Variants in GNL1 observed in about 807,000 individuals in gnomAD.
GNL1 encodes the protein G protein nucleolar 1.
A neutral mutation model predicts 75.2 loss-of-function variants in GNL1; 21 were observed. The observed-to-expected ratio is 0.28, with a 90% CI of 0.20 to 0.40. The LOEUF is 0.40. GNL1 is among the 10% of genes least tolerant of loss of function. The pLI, the probability that GNL1 is intolerant of heterozygous loss-of-function variation, is 1.00. For synonymous variants in GNL1, 287 were observed against 303.4 expected, an observed-to-expected ratio of 0.95 and a Z score of 0.56; for missense variants, 579 against 775.0, an observed-to-expected ratio of 0.75 and a Z score of 3.00.
rs747842166 is a variant in GNL1, at chr6:30,554,662, C to T, written c.529-16G>A. The T allele has an allele frequency of 6.2e-7, 1 of 1,603,684 alleles. No individual in the cohort carries two copies. ...GCCTCCATGTCTAAAAAGACAGGAT[C>T]AGGAAGAGAAACTGAAAACAGAGTC... On this transcript the variant is annotated splice_polypyrimidine_tract_variant and intron_variant, in intron 4 of 11. Coordinates refer to ENST00000376621, the MANE Select transcript of GNL1 (RefSeq NM_005275.5).
intron 8 of GNL1, among the ~76,000 whole-genome samples, chr6:30,549,970 C>A (rs1029822533): frequency 6.6e-6 from 1 of 151,942 alleles, no homozygotes; most frequent in African/African-American, 2.4e-5. Flanking sequence ...ACTACAGGCA[C>A]GCACCACCAC....
rs756594602 is a variant in GNL1 at position 30,547,063 on chromosome 6, G to C, written c.1441+49C>G. 1 of 1,526,392 alleles carries C rather than the reference G, an allele frequency of 6.6e-7. No homozygotes were observed. The allele number at this position is 1,526,392 out of a possible 1,614,324, so 94.6% of individuals were successfully genotyped here. A position where few individuals can be genotyped will look rare whatever the true frequency, so the allele number is the denominator to read the frequency against. On this transcript the variant is annotated intron_variant, in intron 10 of 11. Transcript: ENST00000376621. This position sits in a 1 kb window ranked among gnomAD's most constrained non-coding sequence, Gnocchi z 5.5. ...AAGGGTAAAAGGCGAGGCAGGTAAG[G>C]AAGAGCAGCTGAAACCAGGTGGGGC...
rs966643658 is a variant in GNL1, at chr6:30,546,285, C to T, written c.1611G>A (p.Thr537=). The T allele has an allele frequency of 3.8e-6, 6 of 1,595,196 alleles. No homozygotes were observed. Among genetic ancestry groups the T allele is most frequent in the Middle Eastern group, 1.7e-4 (1 of 6,006 alleles). ...CCCTGCCCTGCAAAACCACCAGCTC[C>T]GTGGTCTCTGGATGGGACTCCCAGG... The part of the protein sequence containing the change: ...KGTWESHPET[T]ELVVLQGRVG... The change falls in exon 12 of 12, where the codon ACG becomes ACA. Residue 537 remains threonine, a synonymous_variant. Coordinates refer to ENST00000376621, the MANE Select transcript of GNL1 (RefSeq NM_005275.5). The surrounding 1 kb of genome is among the most constrained non-coding windows in gnomAD (Gnocchi z 5.1).
chr6:30,549,136 C>T (rs1799619162), intron 8 of GNL1, among the ~76,000 whole-genome samples: 1 of 151,960 alleles, frequency 6.6e-6, no homozygotes, highest in Non-Finnish European at 1.5e-5. Flanking sequence ...TAGCTGAGAC[C>T]ACAGGCGTGC....
chr6:30,555,362 CCTT>C lies in GNL1; in HGVS notation c.240-174_240-172del, dbSNP rs1285960436. On this transcript the variant is annotated intron_variant, in intron 2 of 11. Coordinates refer to ENST00000376621, the MANE Select transcript of GNL1 (RefSeq NM_005275.5). The surrounding 1 kb of genome is among the most constrained non-coding windows in gnomAD (Gnocchi z 4.3). Reference sequence around the variant, plus strand: ...TCTTTCAGGCAATACTCAGCCTTCTCCTTCTAAAAGCCCAACTCTCTCCAGCCC... The same window carrying C: ...TCTTTCAGGCAATACTCAGCCTTCTCCTAAAAGCCCAACTCTCTCCAGCCC... Among the ~76,000 whole-genome samples, 1 of 152,126 alleles carries C rather than the reference CCTT, an allele frequency of 6.6e-6. No homozygotes were observed. The highest frequency in any genetic ancestry group is 1.5e-5 in the Non-Finnish European group (1 of 68,006).
chr6:30,546,578 G>A lies in GNL1; in HGVS notation c.1582+118C>T. 4 of 837,284 alleles carry A rather than the reference G, an allele frequency of 4.8e-6. No homozygotes were observed. The highest frequency in any genetic ancestry group is 5.8e-6 in the Non-Finnish European group (3 of 518,350). The allele number at this position is 837,284 out of a possible 1,614,324, so 51.9% of individuals were successfully genotyped here. Reference sequence around the variant, plus strand: ...ATCAGGAAAATATCACAGATGTTAAGTAACAGAGCTAGCCAACAGGTACAG... The same window carrying A: ...ATCAGGAAAATATCACAGATGTTAAATAACAGAGCTAGCCAACAGGTACAG... On this transcript the variant is annotated intron_variant, in intron 11 of 11. Coordinates refer to ENST00000376621, the MANE Select transcript of GNL1 (RefSeq NM_005275.5). The surrounding 1 kb of genome is among the most constrained non-coding windows in gnomAD (Gnocchi z 5.1).
At position 30,555,811 on chromosome 6, in the gene GNL1, C is replaced by T. The variant is rs963166423; in HGVS notation, c.74-91G>A. On this transcript the variant is annotated intron_variant, in intron 1 of 11. Transcript: ENST00000376621. This position sits in a 1 kb window ranked among gnomAD's most constrained non-coding sequence, Gnocchi z 4.3. ...ATCGGCCTGACTCCCTTTCATCCCACTCAACTTCTTCCGATGTTCAGTCCT... is the reference window on the plus strand; with the variant it reads ...ATCGGCCTGACTCCCTTTCATCCCATTCAACTTCTTCCGATGTTCAGTCCT... 6.5e-5 allele frequency: 87 copies of T among 1,343,704 alleles called. No individual in the cohort carries two copies. Among genetic ancestry groups the T allele is most frequent in the Non-Finnish European group, 8.7e-5 (84 of 963,178 alleles). The allele number at this position is 1,343,704 out of a possible 1,614,324, so 83.2% of individuals were successfully genotyped here.
At position 30,546,252 on chromosome 6, in the gene GNL1, T is replaced by C. The variant is rs1225791985; in HGVS notation, c.1644A>G (p.Pro548=). 2 of 1,589,596 alleles carry C rather than the reference T, an allele frequency of 1.3e-6. No homozygotes were observed. Among genetic ancestry groups the C allele is most frequent in the Non-Finnish European group, 1.7e-6 (2 of 1,166,456 alleles). The change falls in exon 12 of 12, where the codon CCA becomes CCG. Residue 548 remains proline, a synonymous_variant. Transcript: ENST00000376621. This position sits in a 1 kb window ranked among gnomAD's most constrained non-coding sequence, Gnocchi z 5.1. ...CTTCCTCCTCCTCCTCGTCACCTGC[T>C]GGCCCCACCCTGCCCTGCAAAACCA... ...ELVVLQGRVG[P]AGDEEEEEEE...
At position 30,546,511 on chromosome 6, in the gene GNL1, C is replaced by T. The variant is rs1267666730; in HGVS notation, c.1582+185G>A. 3 of 676,264 alleles carry T rather than the reference C, an allele frequency of 4.4e-6. No individual in the cohort carries two copies. Among genetic ancestry groups the T allele is most frequent in the South Asian group, 3.6e-5 (2 of 55,160 alleles). 41.9% of individuals were successfully genotyped at this position (676,264 alleles called of 1,614,324 possible). Reference sequence around the variant, plus strand: ...TTGTGCACATCAACTTCAATCTTTACAATCACTATGCTAAGGGTCAATTAT... The same window carrying T: ...TTGTGCACATCAACTTCAATCTTTATAATCACTATGCTAAGGGTCAATTAT... On this transcript the variant is annotated intron_variant, in intron 11 of 11. Coordinates refer to ENST00000376621, the MANE Select transcript of GNL1 (RefSeq NM_005275.5). This position sits in a 1 kb window ranked among gnomAD's most constrained non-coding sequence, Gnocchi z 5.1.
intron 5 of GNL1, 48 bp from the exon 6 acceptor site, chr6:30,553,605 G>A (rs1799940027): frequency 1.5e-6 from 2 of 1,333,320 alleles, no homozygotes; most frequent in Non-Finnish European, 1.1e-6. Flanking sequence ...TCAACCCAGA[G>A]TTCTCTGCCT....
chr6:30,545,801 G>A lies in GNL1; in HGVS notation c.*271C>T, dbSNP rs930656020. ...CCTAAGGTGCAGAGTGGGAGAATGG[G>A]TAGAGGAAGCAGGTTTCAGAGACTG... On this transcript the variant is annotated 3_prime_UTR_variant, in exon 12 of 12. Transcript: ENST00000376621. The A allele has an allele frequency of 6.3e-6, 3 of 476,874 alleles. No homozygotes were observed. The highest frequency in any genetic ancestry group is 4.5e-5 in the Admixed American group (1 of 22,070). 29.5% of individuals were successfully genotyped at this position (476,874 alleles called of 1,614,324 possible).
rs540146838 is a variant in GNL1 at position 30,546,563 on chromosome 6, T to A, written c.1582+133A>T. The A allele has an allele frequency of 1.3e-6, 1 of 784,072 alleles. No homozygotes were observed. The highest frequency in any genetic ancestry group is 2.5e-5 in the East Asian group (1 of 40,140). The allele number at this position is 784,072 out of a possible 1,614,324, so 48.6% of individuals were successfully genotyped here. A position where few individuals can be genotyped will look rare whatever the true frequency, so the allele number is the denominator to read the frequency against. ...ACCCTCAGTTTGCAGATCAGGAAAA[T>A]ATCACAGATGTTAAGTAACAGAGCT... On this transcript the variant is annotated intron_variant, in intron 11 of 11. Coordinates refer to ENST00000376621, the MANE Select transcript of GNL1 (RefSeq NM_005275.5). This position sits in a 1 kb window ranked among gnomAD's most constrained non-coding sequence, Gnocchi z 5.1.
rs964000771 is a variant in GNL1 at position 30,545,072 on chromosome 6, C to T, written c.*1000G>A. 6.6e-6 allele frequency: 1 copy of T among 152,178 alleles called. No individual in the cohort carries two copies. Among genetic ancestry groups the T allele is most frequent in the Non-Finnish European group, 1.5e-5 (1 of 68,038 alleles). 9.4% of individuals were successfully genotyped at this position (152,178 alleles called of 1,614,324 possible). On this transcript the variant is annotated 3_prime_UTR_variant, in exon 12 of 12. Coordinates refer to ENST00000376621, the MANE Select transcript of GNL1 (RefSeq NM_005275.5). ...GCTGAGGTGAAACCCTAAAATGGTTCTGGCCACCTGCTAGGTTCTAGCTCA... is the reference window on the plus strand; with the variant it reads ...GCTGAGGTGAAACCCTAAAATGGTTTTGGCCACCTGCTAGGTTCTAGCTCA...
intron 8 of GNL1, among the ~76,000 whole-genome samples, chr6:30,549,293 C>T (rs763948532): frequency 1.3e-5 from 2 of 152,150 alleles, no homozygotes; most frequent in African/African-American, 2.4e-5. Context: ...GCCACCATAC[C>T]GGCCGCCACT....
Position 30,542,678 on chromosome 6 carries a change from A to G in GNL1, c.*3394T>C, listed in dbSNP as rs1201392894. 1.3e-5 allele frequency: 2 copies of G among 152,196 alleles called. No homozygotes were observed. The highest frequency in any genetic ancestry group is 4.8e-5 in the African/African-American group (2 of 41,418). 9.4% of individuals were successfully genotyped at this position (152,196 alleles called of 1,614,324 possible). The stretch of plus-strand genomic sequence containing the variant: ...CAATTCTATCTCCTGAGCAACCCAT[A>G]AAACGATTTCTCTTCTTTCCATCTT... On this transcript the variant is annotated 3_prime_UTR_variant, in exon 12 of 12. Transcript: ENST00000376621. This position sits in a 1 kb window ranked among gnomAD's most constrained non-coding sequence, Gnocchi z 4.5.
In GNL1 at chr6:30,547,490, C is replaced by T; in HGVS notation, c.1140G>A (p.Leu380=). ...NVGKSSLING[L]VGRKVVSVSR... is the part of the protein sequence containing the mutation. The stretch of plus-strand genomic sequence containing the variant: ...AGACACTCACGACTTTCCGCCCCAC[C>T]AGCCCATTGATCAGCGAGGACTTTC... Residue 380 remains leucine (L), a synonymous_variant, in exon 9 of 12, where the codon CTG becomes CTA. Transcript: ENST00000376621. This position sits in a 1 kb window ranked among gnomAD's most constrained non-coding sequence, Gnocchi z 5.5. 1 of 1,612,522 alleles carries T rather than the reference C, an allele frequency of 6.2e-7. No individual in the cohort carries two copies. The highest frequency in any genetic ancestry group is 1.1e-5 in the South Asian group (1 of 90,824).
Position 30,546,573 on chromosome 6 carries a change from G to A in GNL1, c.1582+123C>T, listed in dbSNP as rs1799466977. The A allele has an allele frequency of 3.7e-6, 3 of 808,886 alleles. No homozygotes were observed. The highest frequency in any genetic ancestry group is 6.1e-6 in the Non-Finnish European group (3 of 493,188). The allele number at this position is 808,886 out of a possible 1,614,324, so 50.1% of individuals were successfully genotyped here. On this transcript the variant is annotated intron_variant, in intron 11 of 11. Coordinates refer to ENST00000376621, the MANE Select transcript of GNL1 (RefSeq NM_005275.5). The surrounding 1 kb of genome is among the most constrained non-coding windows in gnomAD (Gnocchi z 5.1). The stretch of plus-strand genomic sequence containing the variant: ...TGCAGATCAGGAAAATATCACAGAT[G>A]TTAAGTAACAGAGCTAGCCAACAGG...
At position 30,547,051 on chromosome 6, in the gene GNL1, G is replaced by C. The variant is rs756885181; in HGVS notation, c.1441+61C>G. On this transcript the variant is annotated intron_variant, in intron 10 of 11. Coordinates refer to ENST00000376621, the MANE Select transcript of GNL1 (RefSeq NM_005275.5). The surrounding 1 kb of genome is among the most constrained non-coding windows in gnomAD (Gnocchi z 5.5). ...AAGGAGACAGGGAAGGGTAAAAGGC[G>C]AGGCAGGTAAGGAAGAGCAGCTGAA... is the stretch of plus-strand genomic sequence containing the variant. 1.4e-6 allele frequency: 2 copies of C among 1,448,412 alleles called. No individual in the cohort carries two copies. Among genetic ancestry groups the C allele is most frequent in the Admixed American group, 1.7e-5 (1 of 59,734 alleles). 89.7% of individuals were successfully genotyped at this position (1,448,412 alleles called of 1,614,324 possible). A position where few individuals can be genotyped will look rare whatever the true frequency, so the allele number is the denominator to read the frequency against.
In GNL1 at chr6:30,554,800, G is replaced by C; in HGVS notation, c.492C>G (p.Ser164=). 6.2e-7 allele frequency: 1 copy of C among 1,612,948 alleles called. No homozygotes were observed. The highest frequency in any genetic ancestry group is 8.5e-7 in the Non-Finnish European group (1 of 1,179,942). Residue 164 remains serine (S), a synonymous_variant, in exon 4 of 12, where the codon TCC becomes TCG. Coordinates refer to ENST00000376621, the MANE Select transcript of GNL1 (RefSeq NM_005275.5). ...GCTCAAAGTAGCTGAGTTTCTCAGA[G>C]GAGTAAGCCCCATGAATCTTCCCAA... ...DYLGKIHGAY[S]SEKLSYFEHN... is the part of the protein sequence containing the mutation.
Sources: allele counts gnomAD v4.1 joint callset (sites outside exome capture counted in the v4.1 genomes callset), GRCh38; gene constraint gnomAD v4.1.1; non-coding constraint Gnocchi (gnomAD v3.1); transcripts MANE v1.5; gene names NCBI Gene and HGNC (gene_info 2026-07-23, HGNC 2026-07-21).